GBE1: variants seen among roughly 807,000 people sequenced by gnomAD.
The protein encoded by GBE1 is 1,4-alpha-glucan branching enzyme 1, also known as 1,4-alpha-glucan-branching enzyme.
GBE1 carries 70 observed loss-of-function variants against 88.8 expected under a neutral mutation model. That is an observed-to-expected ratio of 0.79 (90% CI 0.65 to 0.96). The LOEUF is 0.96. GBE1 is among the 40% of genes least tolerant of loss of function. The pLI is 0.00. For missense variants in GBE1, 872 were observed against 871.0 expected, an observed-to-expected ratio of 1.00 and a Z score of -0.01; for synonymous variants, 284 against 300.1, an observed-to-expected ratio of 0.95 and a Z score of 0.56.
intron 12 of GBE1, among the ~76,000 whole-genome samples, chr3:81,561,016 T>C (rs1011149749): frequency 3.3e-5 from 5 of 152,054 alleles, no homozygotes; most frequent in African/African-American, 1.2e-4. Flanking sequence ...CACATAGTTA[T>C]ATAAAACCTC....
At chr3:81,709,754 C>G (rs983849989) in intron 1 of GBE1, among the ~76,000 whole-genome samples, 30 of 152,134 alleles carry the variant, frequency 2.0e-4, no homozygotes, top group African/African-American at 7.2e-4. Context: ...TCAAGGTCAG[C>G]CCTACAGCTT....
At chr3:81,601,282 TA>T (rs1286783985) in intron 7 of GBE1, among the ~76,000 whole-genome samples, 4 of 152,132 alleles carry the variant, frequency 2.6e-5, no homozygotes, top group African/African-American at 9.7e-5. Flanking sequence ...TTAGAAAAGT[TA>T]AAAAACCATG....
intron 3 of GBE1, among the ~76,000 whole-genome samples, chr3:81,656,580 G>A (rs1231136469): frequency 6.6e-6 from 1 of 151,930 alleles, no homozygotes; most frequent in Non-Finnish European, 1.5e-5. Flanking sequence ...AGCCAATAAG[G>A]GAAAATTTGG....
At chr3:81,687,382 A>T (rs1367869318) in intron 2 of GBE1, among the ~76,000 whole-genome samples, 4 of 152,328 alleles carry the variant, frequency 2.6e-5, no homozygotes, top group Non-Finnish European at 4.4e-5. Flanking sequence ...AATTTCTTCT[A>T]CCAACTTTTG....
chr3:81,675,943 T>A lies in GBE1; in HGVS notation c.314-4990A>T, dbSNP rs142393175. Among the ~76,000 whole-genome samples, 1,269 of 152,256 alleles carry A rather than the reference T, an allele frequency of 8.3e-3. 9 individuals carry two copies. The highest frequency in any genetic ancestry group is 0.014 in the Non-Finnish European group (933 of 67,986). On this transcript the variant is annotated intron_variant, in intron 2 of 15. Coordinates refer to ENST00000429644, the MANE Select transcript of GBE1 (RefSeq NM_000158.4). ...CAAATAAAGACCATACAGGCACTAT[T>A]TACAATTGAGATAAATGTAAACAAA... is the stretch of plus-strand genomic sequence containing the variant.
At position 81,550,900 on chromosome 3, in the gene GBE1, C is replaced by T. The variant is rs569218722; in HGVS notation, c.1619-13805G>A. On this transcript the variant is annotated intron_variant, in intron 12 of 15. Coordinates refer to ENST00000429644, the MANE Select transcript of GBE1 (RefSeq NM_000158.4). ...CTGCTCTGTCTATGGAGTAGCCATT[C>T]GTTCATTCCTCTACTTTCTTAATAA... Among the ~76,000 whole-genome samples, 14 of 152,292 alleles carry T rather than the reference C, an allele frequency of 9.2e-5. No individual in the cohort carries two copies. The South Asian group carries it at 2.9e-3, about 32-fold the overall frequency.
intron 10 of GBE1, among the ~76,000 whole-genome samples, chr3:81,583,856 G>C (rs1232295927): frequency 6.6e-6 from 1 of 151,944 alleles, no homozygotes; most frequent in Non-Finnish European, 1.5e-5. Context: ...TGAGTATCTT[G>C]GTTAAAAGAT....
intron 6 of GBE1, among the ~76,000 whole-genome samples, chr3:81,644,180 C>T (rs1430137596): frequency 2.6e-5 from 4 of 151,924 alleles, no homozygotes; most frequent in Non-Finnish European, 5.9e-5. Flanking sequence ...AAATAAACAC[C>T]ACTGATCATA....
chr3:81,669,261 T>C (rs953344257), intron 3 of GBE1, among the ~76,000 whole-genome samples: 5 of 152,104 alleles, frequency 3.3e-5, no homozygotes, highest in Non-Finnish European at 7.4e-5. Context: ...TAATTGATTG[T>C]AACAAGTAAA....
At position 81,714,248 on chromosome 3, in the gene GBE1, A is replaced by C. The variant is rs143150069; in HGVS notation, c.144-8635T>G. 1.6e-3 allele frequency among the ~76,000 whole-genome samples: 237 copies of C among 152,296 alleles called. 1 individual carries two copies. Among genetic ancestry groups the C allele is most frequent in the African/African-American group, 5.6e-3 (232 of 41,572 alleles). ...TTAGTGAGCACCAATTATCCATCAG[A>C]TTCTTTCAATGGTGAGAAAATGGTT... On this transcript the variant is annotated intron_variant, in intron 1 of 15. Coordinates refer to ENST00000429644, the MANE Select transcript of GBE1 (RefSeq NM_000158.4).
intron 1 of GBE1, among the ~76,000 whole-genome samples, chr3:81,735,587 G>A (rs1430598994): frequency 2.6e-5 from 4 of 152,206 alleles, no homozygotes; most frequent in African/African-American, 9.6e-5. Context: ...CATAAGCCTT[G>A]ACTCGAACTG....
chr3:81,519,520 T>A (rs1434243873), intron 14 of GBE1, among the ~76,000 whole-genome samples: 1 of 151,454 alleles, frequency 6.6e-6, no homozygotes, highest in Non-Finnish European at 1.5e-5. Flanking sequence ...ATTCTTGTGT[T>A]GTTTATGGTC....
intron 7 of GBE1, among the ~76,000 whole-genome samples, chr3:81,639,891 C>A (rs890298024): frequency 1.3e-5 from 2 of 152,038 alleles, no homozygotes; most frequent in Non-Finnish European, 2.9e-5. Flanking sequence ...ATGAGCCACC[C>A]CAGGGGACAC....
chr3:81,597,127 T>C (rs1037600134), intron 7 of GBE1, among the ~76,000 whole-genome samples: 3 of 151,908 alleles, frequency 2.0e-5, no homozygotes. Context: ...AGTCAGAGTA[T>C]AACAATGTCT....
intron 2 of GBE1, among the ~76,000 whole-genome samples, chr3:81,684,737 A>T (rs912994262): frequency 2.0e-5 from 3 of 152,226 alleles, no homozygotes; most frequent in Non-Finnish European, 4.4e-5. Flanking sequence ...TTAGCAATCA[A>T]AATTTCTCTA....
intron 1 of GBE1, among the ~76,000 whole-genome samples, chr3:81,720,524 T>TG (rs1235267893): frequency 1.3e-5 from 2 of 152,192 alleles, no homozygotes; most frequent in African/African-American, 4.8e-5. Context: ...ATCTCCTCCA[T>TG]TACCTATTTT....
At chr3:81,721,517 C>T (rs1706035787) in intron 1 of GBE1, among the ~76,000 whole-genome samples, 1 of 152,104 alleles carries the variant, frequency 6.6e-6, no homozygotes, top group African/African-American at 2.4e-5. Context: ...CTCACATAGG[C>T]ACCTCATTAC....
rs577552247 is a variant in GBE1, at chr3:81,675,824, T to C, written c.314-4871A>G. Among the ~76,000 whole-genome samples the C allele has an allele frequency of 8.5e-5, 13 of 152,220 alleles. No homozygotes were observed. The South Asian group carries it at 2.5e-3, about 29-fold the overall frequency. On this transcript the variant is annotated intron_variant, in intron 2 of 15. Coordinates refer to ENST00000429644, the MANE Select transcript of GBE1 (RefSeq NM_000158.4). The stretch of plus-strand genomic sequence containing the variant: ...GCATAAATTATTTTATTACAACATC[T>C]GCTAAAACATTTGATGTTTATCAAG...
At chr3:81,676,083 C>T (rs976704476) in intron 2 of GBE1, among the ~76,000 whole-genome samples, 3 of 151,930 alleles carry the variant, frequency 2.0e-5, no homozygotes, top group Admixed American at 6.6e-5. Context: ...GTTGTAAGAA[C>T]ACAGTATATA....
Sources: gnomAD v4.1 joint callset for allele counts (sites outside exome capture counted in the v4.1 genomes callset) on GRCh38, gnomAD v4.1.1 for gene constraint, MANE v1.5 for transcripts, NCBI Gene and HGNC (gene_info 2026-07-23, HGNC 2026-07-21) for gene names.